Variants in STIM1 observed in about 807,000 individuals in gnomAD.
The protein encoded by STIM1 is stromal interaction molecule 1.
Under a neutral mutation model 74.7 loss-of-function variants are expected in STIM1, and 25 were observed. The observed-to-expected ratio is 0.33, with a 90% CI of 0.24 to 0.47. The LOEUF (loss-of-function observed/expected upper bound fraction) is 0.47, where lower values mean the gene tolerates loss of function less well. Among genes scored for constraint, STIM1 ranks in the 20% least tolerant of loss-of-function variants. The probability of loss-of-function intolerance (pLI) is 1.00; values close to 1 mark genes in which losing one functional copy is unlikely to be tolerated. For missense variants in STIM1, 728 were observed against 920.8 expected (o/e 0.79, Z 2.71); for synonymous variants, 328 against 348.8 (o/e 0.94, Z 0.66).
At chr11:3,904,914 T>C (rs1398891765) in intron 1 of STIM1, among the ~76,000 whole-genome samples, 1 of 152,044 alleles carries the variant, frequency 6.6e-6, no homozygotes, top group African/African-American at 2.4e-5. Context: ...TCATGAACTC[T>C]AAGAAATAGT....
chr11:3,941,550 G>C (rs2093004691), intron 1 of STIM1, among the ~76,000 whole-genome samples: 1 of 151,294 alleles, frequency 6.6e-6, no homozygotes, highest in Non-Finnish European at 1.5e-5. Flanking sequence ...CAGCAGTGTT[G>C]TAGCAAATAG....
At chr11:4,051,036 T>C (rs553172941) in intron 3 of STIM1, among the ~76,000 whole-genome samples, 184 of 151,752 alleles carry the variant, frequency 1.2e-3, no homozygotes, top group South Asian at 8.5e-3. Context: ...GCAGAAAAGA[T>C]AGAGAAGGTA....
chr11:4,089,993 G>C (rs2094514401), intron 12 of STIM1, among the ~76,000 whole-genome samples: 2 of 152,158 alleles, frequency 1.3e-5, no homozygotes, highest in African/African-American at 4.8e-5. Flanking sequence ...ATCTGGAATT[G>C]ATTCATGGTC....
chr11:4,088,669 C>A, intron 12 of STIM1: 1 of 1,534,326 alleles, frequency 6.5e-7, no homozygotes, highest in South Asian at 1.2e-5. Flanking sequence ...CTGGCCTGTT[C>A]ACTACTTAAT....
At chr11:3,969,426 G>A (rs1056367607) in intron 2 of STIM1, among the ~76,000 whole-genome samples, 4 of 152,126 alleles carry the variant, frequency 2.6e-5, no homozygotes, top group Non-Finnish European at 5.9e-5. Context: ...AGGCTGTGGT[G>A]CACTATGATC....
rs1420013327 is a variant in STIM1, at chr11:3,856,015, A to C, written c.-256A>C. 5.7e-6 allele frequency: 3 copies of C among 528,078 alleles called. No homozygotes were observed. Among genetic ancestry groups the C allele is most frequent in the Admixed American group, 3.1e-5 (1 of 31,794 alleles). The allele number at this position is 528,078 out of a possible 1,614,324, so 32.7% of individuals were successfully genotyped here. A position where few individuals can be genotyped will look rare whatever the true frequency, so the allele number is the denominator to read the frequency against. ...AGCCACCCTGCCCGAAGTCTCCGGA[A>C]GCGGCACGAGCTCAGGCCGCCGCAG... On this transcript the variant is annotated 5_prime_UTR_variant, in exon 1 of 13. Coordinates refer to ENST00000526596, the MANE Select transcript of STIM1 (RefSeq NM_001382567.1).
chr11:4,007,272 G>T (rs1456262431), intron 2 of STIM1, among the ~76,000 whole-genome samples: 1 of 152,304 alleles, frequency 6.6e-6, no homozygotes, highest in East Asian at 1.9e-4. Flanking sequence ...GTATTCCTGA[G>T]AGAAGAGCTG....
At chr11:3,938,414 T>C (rs1018268323) in intron 1 of STIM1, among the ~76,000 whole-genome samples, 9 of 152,210 alleles carry the variant, frequency 5.9e-5, no homozygotes, top group African/African-American at 2.2e-4. Flanking sequence ...TTGTATCCTT[T>C]TCCCCAAGAG....
At chr11:3,993,964 G>GCTCA (rs2093638644) in intron 2 of STIM1, among the ~76,000 whole-genome samples, 1 of 152,178 alleles carries the variant, frequency 6.6e-6, no homozygotes, top group Non-Finnish European at 1.5e-5. Flanking sequence ...ACAGTACCTG[G>GCTCA]CTCACTGTTG....
rs117969887 is a variant in STIM1 at position 3,875,438 on chromosome 11, A to C, written c.139+19029A>C. 3.9e-3 allele frequency among the ~76,000 whole-genome samples: 594 copies of C among 152,328 alleles called. 4 individuals are homozygous for C. Among genetic ancestry groups the C allele is most frequent in the Non-Finnish European group, 6.6e-3 (451 of 68,026 alleles). On this transcript the variant is annotated intron_variant, in intron 1 of 12. Transcript: ENST00000526596. ...TCAATGGCAAATTGGAACATAACAA[A>C]ATATAGGCCAGGCACAGTGGCTCAT...
At chr11:3,990,564 C>T (rs1488320542) in intron 2 of STIM1, among the ~76,000 whole-genome samples, 18 of 152,144 alleles carry the variant, frequency 1.2e-4, no homozygotes, top group Non-Finnish European at 1.5e-5. Flanking sequence ...TACATTCCTG[C>T]CAGCAGTGTA....
intron 3 of STIM1, among the ~76,000 whole-genome samples, chr11:4,053,602 A>G (rs2094262497): frequency 6.6e-6 from 1 of 151,990 alleles, no homozygotes; most frequent in South Asian, 2.1e-4. Flanking sequence ...GAAGGGGGAG[A>G]GATAGCATTA....
chr11:3,900,566 G>A (rs1045349497), intron 1 of STIM1, among the ~76,000 whole-genome samples: 4 of 152,144 alleles, frequency 2.6e-5, no homozygotes, highest in Admixed American at 6.6e-5. Context: ...GTTCCTATTC[G>A]GCCATCTTGG....
rs145101248 is a variant in STIM1, at chr11:4,081,566, A to G, written c.970-618A>G. 3.9e-3 allele frequency among the ~76,000 whole-genome samples: 592 copies of G among 152,292 alleles called. 3 individuals are homozygous for G. The highest frequency in any genetic ancestry group is 0.014 in the African/African-American group (565 of 41,556). On this transcript the variant is annotated intron_variant, in intron 7 of 12. Coordinates refer to ENST00000526596, the MANE Select transcript of STIM1 (RefSeq NM_001382567.1). ...AGGACAATGCCCTTCTGAAGTACCA[A>G]TCATTTTTCAGTTCTCTCTGACATG...
intron 2 of STIM1, 136 bp downstream of exon 2, chr11:3,967,818 A>ATG: frequency 1.5e-6 from 2 of 1,306,558 alleles, no homozygotes; most frequent in Non-Finnish European, 2.2e-6. Context: ...CCTATCAGGG[A>ATG]AGATGGCTCC....
At chr11:3,894,141 T>A (rs2091984288) in intron 1 of STIM1, among the ~76,000 whole-genome samples, 1 of 152,198 alleles carries the variant, frequency 6.6e-6, no homozygotes, top group African/African-American at 2.4e-5. Context: ...TATAGTATTG[T>A]AGCTGTTCTC....
At chr11:4,059,595 A>G (rs551404677) in intron 5 of STIM1, among the ~76,000 whole-genome samples, 199 bp downstream of exon 5, 1 of 152,312 alleles carries the variant, frequency 6.6e-6, no homozygotes, top group Admixed American at 6.5e-5. Context: ...TAAATACTTT[A>G]AGGAAATATC....
rs371708276 is a variant in STIM1, at chr11:3,938,964, G to A, written c.140-28588G>A. 2.6e-4 allele frequency among the ~76,000 whole-genome samples: 39 copies of A among 152,226 alleles called. No homozygotes were observed. In the East Asian group the frequency reaches 5.4e-3, roughly 21 times the overall value. ...TCTTGAAACCCCTTTCTCCTAGGAGGGACTCTTACTAATTTTCTCCACTAC... is the reference window on the plus strand; with the variant it reads ...TCTTGAAACCCCTTTCTCCTAGGAGAGACTCTTACTAATTTTCTCCACTAC... On this transcript the variant is annotated intron_variant, in intron 1 of 12. Transcript: ENST00000526596.
intron 11 of STIM1, among the ~76,000 whole-genome samples, chr11:4,085,676 G>A (rs1461091672): frequency 6.6e-6 from 1 of 152,240 alleles, no homozygotes; most frequent in Non-Finnish European, 1.5e-5. Flanking sequence ...TGAGTGCCAT[G>A]ACCTGTTTCA....
Sources: gnomAD v4.1 joint callset for allele counts (sites outside exome capture counted in the v4.1 genomes callset) on GRCh38, gnomAD v4.1.1 for gene constraint, MANE v1.5 for transcripts, NCBI Gene and HGNC (gene_info 2026-07-23, HGNC 2026-07-21) for gene names.